The following CTIF variants were observed in gnomAD, a reference collection of about 807,000 sequenced individuals.
CTIF encodes the protein CBP80/20-dependent translation initiation factor.
Under a neutral mutation model 66.0 loss-of-function variants are expected in CTIF, and 21 were observed. That is an observed-to-expected ratio of 0.32 (90% confidence interval 0.23 to 0.46). CTIF has a LOEUF of 0.46. CTIF is among the 20% of genes least tolerant of loss of function. The pLI is 1.00. For synonymous variants in CTIF, 345 were observed against 326.4 expected (o/e 1.06, Z -0.62); for missense variants, 739 against 812.7 (o/e 0.91, Z 1.10).
intron 3 of CTIF, among the ~76,000 whole-genome samples, chr18:48,643,581 A>T (rs907163055): frequency 6.6e-6 from 1 of 152,170 alleles, no homozygotes; most frequent in Non-Finnish European, 1.5e-5. Flanking sequence ...CAGAGGGAGA[A>T]TTAGAGCTCT....
At chr18:48,805,090 A>G (rs2068117571) in intron 9 of CTIF, among the ~76,000 whole-genome samples, 1 of 152,216 alleles carries the variant, frequency 6.6e-6, no homozygotes. Flanking sequence ...ACAGAAGGGA[A>G]CATTCAGGGT....
At chr18:48,596,851 CA>C (rs1407126723) in intron 1 of CTIF, among the ~76,000 whole-genome samples, 2 of 152,174 alleles carry the variant, frequency 1.3e-5, no homozygotes, top group Non-Finnish European at 2.9e-5. Flanking sequence ...AGGGAGGCTG[CA>C]AAATGTAGTT....
rs1184783542 is a variant in CTIF at position 48,817,230 on chromosome 18, A to G, written c.1381A>G (p.Thr461Ala). ...LLLNMLQKDF[T>A]VREELQQQDV... Reference sequence around the variant, plus strand: ...TCTCATGCCTCCACAGAAGGACTTCACGGTGCGCGAGGAGCTGCAGCAGCA... The same window carrying G: ...TCTCATGCCTCCACAGAAGGACTTCGCGGTGCGCGAGGAGCTGCAGCAGCA... Residue 461 changes from threonine to alanine, a missense_variant, in exon 10 of 12, where the codon ACG becomes GCG. Thr to Ala is a moderately conservative substitution (Grantham distance 58). Around this residue, in one of 2 missense-constraint regions of CTIF, gnomAD observed 210 missense variants for 292.3 expected, o/e 0.72. Coordinates refer to ENST00000256413, the MANE Select transcript of CTIF (RefSeq NM_014772.3). 6.2e-7 allele frequency: 1 copy of G among 1,613,674 alleles called. No individual in the cohort carries two copies. The highest frequency in any genetic ancestry group is 1.1e-5 in the South Asian group (1 of 91,054).
chr18:48,656,309 C>A (rs1458099930), intron 3 of CTIF, among the ~76,000 whole-genome samples: 1 of 152,226 alleles, frequency 6.6e-6, no homozygotes, highest in Admixed American at 6.5e-5. Flanking sequence ...ACTGTCTGTG[C>A]TCCCATCCTG....
intron 1 of CTIF, chr18:48,539,738 C>T (rs546315928): frequency 4.6e-5 from 7 of 152,872 alleles, no homozygotes; most frequent in South Asian, 2.1e-4. Flanking sequence ...AGCGCGATTC[C>T]TCTCCCTTTT....
chr18:48,646,564 T>C (rs959774403), intron 3 of CTIF, among the ~76,000 whole-genome samples: 1 of 151,462 alleles, frequency 6.6e-6, no homozygotes, highest in African/African-American at 2.4e-5. Context: ...CTGGGCAACA[T>C]GGTGAAACAC....
chr18:48,731,656 C>T (rs2092457683), intron 7 of CTIF, among the ~76,000 whole-genome samples: 1 of 152,134 alleles, frequency 6.6e-6, no homozygotes, highest in Admixed American at 6.5e-5. Flanking sequence ...CCATATAAAC[C>T]ACTGAATAAA....
intron 2 of CTIF, among the ~76,000 whole-genome samples, chr18:48,629,666 T>C (rs2090667115): frequency 6.6e-6 from 1 of 152,232 alleles, no homozygotes; most frequent in Non-Finnish European, 1.5e-5. Context: ...CTGTGATCTT[T>C]GTCTAATCCA....
At position 48,744,908 on chromosome 18, in the gene CTIF, C is replaced by T. The variant is rs187792724; in HGVS notation, c.585-13011C>T. Among the ~76,000 whole-genome samples, 23 of 151,826 alleles carry T rather than the reference C, an allele frequency of 1.5e-4. No homozygotes were observed. In the East Asian group the frequency reaches 3.7e-3, roughly 24 times the overall value. On this transcript the variant is annotated intron_variant, in intron 7 of 11. Coordinates refer to ENST00000256413, the MANE Select transcript of CTIF (RefSeq NM_014772.3). ...CGCAATCTTGGCTCACTGCAAGCTC[C>T]GCCTCCCGGATTCATGCCATTCTCC...
chr18:48,817,543 A>G (rs994713757), intron 10 of CTIF, among the ~76,000 whole-genome samples, 167 bp downstream of exon 10: 1 of 152,160 alleles, frequency 6.6e-6, no homozygotes, highest in Admixed American at 6.5e-5. Flanking sequence ...TGGGAGGCCA[A>G]GGCAGGTGGA....
intron 10 of CTIF, among the ~76,000 whole-genome samples, chr18:48,820,575 G>A (rs2068461434): frequency 6.6e-6 from 1 of 152,118 alleles, no homozygotes; most frequent in Non-Finnish European, 1.5e-5. Context: ...CCAAAAGGAT[G>A]TGGTCAGAAC....
chr18:48,740,635 G>A (rs1323913239), intron 7 of CTIF, among the ~76,000 whole-genome samples: 2 of 152,188 alleles, frequency 1.3e-5, no homozygotes, highest in African/African-American at 4.8e-5. Flanking sequence ...CCATCACTCA[G>A]GATGTCCTGG....
intron 9 of CTIF, among the ~76,000 whole-genome samples, chr18:48,775,270 C>T (rs1270290710): frequency 6.6e-6 from 1 of 152,260 alleles, no homozygotes; most frequent in Non-Finnish European, 1.5e-5. Flanking sequence ...TGTTAAAATC[C>T]ACTGAAATGC....
At chr18:48,663,729 C>G in intron 3 of CTIF, 23 bp from the exon 4 acceptor site, 2 of 1,610,928 alleles carry the variant, frequency 1.2e-6, no homozygotes, top group Admixed American at 3.3e-5. Flanking sequence ...TAATGTCAGC[C>G]CTTTCACCCC....
At chr18:48,703,332 T>A (rs538659558) in intron 6 of CTIF, among the ~76,000 whole-genome samples, 5 of 152,292 alleles carry the variant, frequency 3.3e-5, no homozygotes, top group African/African-American at 9.6e-5. Context: ...CTGCAAGGTG[T>A]GCCTGGTGAG....
intron 1 of CTIF, among the ~76,000 whole-genome samples, chr18:48,586,952 C>T (rs2089782067): frequency 6.6e-6 from 1 of 152,122 alleles, no homozygotes. Flanking sequence ...GTGAGTGGCA[C>T]CCAGGTAAGT....
chr18:48,761,330 A>C lies in CTIF; in HGVS notation c.1072-60A>C. The C allele has an allele frequency of 6.5e-7, 1 of 1,537,522 alleles. No individual in the cohort carries two copies. Among genetic ancestry groups the C allele is most frequent in the Non-Finnish European group, 8.8e-7 (1 of 1,130,544 alleles). On this transcript the variant is annotated intron_variant, in intron 8 of 11. Coordinates refer to ENST00000256413, the MANE Select transcript of CTIF (RefSeq NM_014772.3). This position sits in a 1 kb window ranked among gnomAD's most constrained non-coding sequence, Gnocchi z 4.2. Reference sequence around the variant, plus strand: ...GTGGCCACCCTCTTTCCACCAGGCCACCCCTGCACAGAGACCTCGGCTTCA... The same window carrying C: ...GTGGCCACCCTCTTTCCACCAGGCCCCCCCTGCACAGAGACCTCGGCTTCA...
chr18:48,757,488 C>T (rs566517917), intron 7 of CTIF, among the ~76,000 whole-genome samples: 6 of 152,230 alleles, frequency 3.9e-5, no homozygotes, highest in African/African-American at 1.2e-4. Flanking sequence ...AGCAGGTCTG[C>T]GTATGCATCT....
intron 7 of CTIF, among the ~76,000 whole-genome samples, chr18:48,730,688 A>AGGG (rs2092446086): frequency 6.5e-5 from 3 of 45,860 alleles, no homozygotes; most frequent in Non-Finnish European, 8.9e-5. Flanking sequence ...CGGTGTGAGG[A>AGGG]GCCCCTGAGG....
Sources: gnomAD v4.1 joint callset for allele counts (sites outside exome capture counted in the v4.1 genomes callset) on GRCh38, gnomAD v4.1.1 for gene constraint, gnomAD v4.1.1 regional missense constraint, Gnocchi (gnomAD v3.1) non-coding constraint, MANE v1.5 for transcripts, NCBI Gene and HGNC (gene_info 2026-07-23, HGNC 2026-07-21) for gene names.